EYS: variants seen among roughly 807,000 people sequenced by gnomAD.
The protein encoded by EYS is protein eyes shut homolog.
Under a neutral mutation model 282.1 loss-of-function variants are expected in EYS, and 250 were observed. The ratio of observed to expected loss-of-function variants is 0.89; its 90% CI spans 0.80 to 0.98. EYS has a LOEUF of 0.98. Among genes scored for constraint, EYS ranks in the 50% least tolerant of loss-of-function variants. EYS has a pLI of 0.00. For missense variants in EYS, 4,016 were observed against 3,709.0 expected (o/e 1.08, Z -2.15); for synonymous variants, 1,355 against 1,282.9 (o/e 1.06, Z -1.20).
At chr6:64,471,200 C>T (rs540001683) in intron 26 of EYS, among the ~76,000 whole-genome samples, 141 of 152,154 alleles carry the variant, frequency 9.3e-4, no homozygotes, top group Non-Finnish European at 1.3e-3. Flanking sequence ...AGTATGCCCA[C>T]GTTCCTTACT....
At chr6:64,943,453 ACT>A (rs1200235808) in intron 15 of EYS, among the ~76,000 whole-genome samples, 4 of 152,120 alleles carry the variant, frequency 2.6e-5, no homozygotes, top group South Asian at 4.2e-4. Flanking sequence ...GATGCTGAAG[ACT>A]CCACCAAAAG....
chr6:65,544,025 TGTGTG>T (rs1768285205), intron 2 of EYS, among the ~76,000 whole-genome samples: 1 of 142,556 alleles, frequency 7.0e-6, no homozygotes, highest in African/African-American at 3.0e-5. Flanking sequence ...TGTGTGTGTG[TGTGTG>T]AGAGAGAGAG....
At chr6:64,802,669 A>G (rs902236615) in intron 22 of EYS, among the ~76,000 whole-genome samples, 1 of 152,214 alleles carries the variant, frequency 6.6e-6, no homozygotes, top group African/African-American at 2.4e-5. Context: ...TATTTTTAAC[A>G]TCATCCCTTC....
intron 29 of EYS, among the ~76,000 whole-genome samples, chr6:64,314,194 CAAAAAAAA>C (rs138447983): frequency 3.6e-5 from 1 of 27,676 alleles, no homozygotes; most frequent in African/African-American, 1.5e-4. Flanking sequence ...AAATGGAAAG[CAAAAAAAA>C]AAAAAAAAAA....
chr6:64,915,894 CCTCCT>C (rs1768145208), intron 15 of EYS, among the ~76,000 whole-genome samples: 1 of 152,028 alleles, frequency 6.6e-6, no homozygotes, highest in Non-Finnish European at 1.5e-5. Flanking sequence ...ATCCAGATCT[CCTCCT>C]CTCAAGTTCC....
chr6:64,473,063 C>A (rs931402480), intron 26 of EYS, among the ~76,000 whole-genome samples: 1 of 152,036 alleles, frequency 6.6e-6, no homozygotes, highest in Non-Finnish European at 1.5e-5. Flanking sequence ...TACTATCCAG[C>A]ATTTATTAGT....
At chr6:64,840,927 A>C (rs1028435579) in intron 19 of EYS, among the ~76,000 whole-genome samples, 1 of 152,136 alleles carries the variant, frequency 6.6e-6, no homozygotes, top group Non-Finnish European at 1.5e-5. Context: ...ACAAAGAACT[A>C]CACAGCACAC....
At chr6:65,275,860 A>G (rs988495133) in intron 12 of EYS, among the ~76,000 whole-genome samples, 2 of 152,178 alleles carry the variant, frequency 1.3e-5, no homozygotes, top group African/African-American at 2.4e-5. Flanking sequence ...AATAAAATAG[A>G]AAATTACTCT....
intron 30 of EYS, among the ~76,000 whole-genome samples, chr6:64,266,665 T>C (rs1302638497): frequency 6.6e-6 from 1 of 152,146 alleles, no homozygotes; most frequent in Non-Finnish European, 1.5e-5. Context: ...GTTAGATTTA[T>C]GGCAACCTCA....
At chr6:65,035,900 AT>A (rs1256811528) in intron 13 of EYS, among the ~76,000 whole-genome samples, 5 of 147,398 alleles carry the variant, frequency 3.4e-5, no homozygotes, top group East Asian at 3.9e-4. Context: ...TATATTATAT[AT>A]TTTTATATTA....
At chr6:64,969,373 T>C (rs1250192188) in intron 14 of EYS, among the ~76,000 whole-genome samples, 1 of 152,102 alleles carries the variant, frequency 6.6e-6, no homozygotes, top group African/African-American at 2.4e-5. Context: ...TGAGGAACAG[T>C]GGGAGTGGAA....
chr6:64,740,341 G>A (rs2149960415), intron 22 of EYS, among the ~76,000 whole-genome samples: 1 of 152,172 alleles, frequency 6.6e-6, no homozygotes, highest in East Asian at 1.9e-4. Context: ...ATTAGGTCAT[G>A]GAATCTACAT....
intron 22 of EYS, among the ~76,000 whole-genome samples, chr6:64,688,409 T>A (rs1022524442): frequency 6.6e-6 from 1 of 152,204 alleles, no homozygotes; most frequent in Non-Finnish European, 1.5e-5. Flanking sequence ...GTCCCAGAGA[T>A]TCTGGAATGT....
intron 12 of EYS, among the ~76,000 whole-genome samples, chr6:65,252,968 A>G (rs12199597): frequency 0.042 from 6,393 of 152,030 alleles, 182 homozygotes; most frequent in Middle Eastern, 0.065. Flanking sequence ...AGACAATAAA[A>G]TTTCTAGCAT....
chr6:64,378,653 G>GC (rs1472103433), intron 29 of EYS, among the ~76,000 whole-genome samples: 1 of 152,158 alleles, frequency 6.6e-6, no homozygotes, highest in Non-Finnish European at 1.5e-5. Flanking sequence ...TAAGAAGGTA[G>GC]AGTCTCTATT....
At chr6:65,058,325 A>G (rs151056530) in intron 12 of EYS, among the ~76,000 whole-genome samples, 1 of 151,968 alleles carries the variant, frequency 6.6e-6, no homozygotes, top group Non-Finnish European at 1.5e-5. Context: ...TAATCTTTGT[A>G]TTTTCAGTAG....
intron 12 of EYS, among the ~76,000 whole-genome samples, chr6:65,233,344 C>T (rs898995648): frequency 2.6e-5 from 4 of 152,030 alleles, no homozygotes; most frequent in Non-Finnish European, 4.4e-5. Context: ...TTATTGCTGC[C>T]GTTTGCTTGG....
At chr6:64,073,014 CCACTAA>C (rs1330709345) in intron 32 of EYS, among the ~76,000 whole-genome samples, 1 of 151,798 alleles carries the variant, frequency 6.6e-6, no homozygotes, top group African/African-American at 2.4e-5. Context: ...GGAAGCTCAG[CCACTAA>C]CATCAATGAC....
At chr6:64,929,104 G>A (rs1311829185) in intron 15 of EYS, among the ~76,000 whole-genome samples, 1 of 152,056 alleles carries the variant, frequency 6.6e-6, no homozygotes, top group Non-Finnish European at 1.5e-5. Context: ...ATATTCAAAT[G>A]AAAGTGAATC....
Sources: allele counts gnomAD v4.1 joint callset (sites outside exome capture counted in the v4.1 genomes callset), GRCh38; gene constraint gnomAD v4.1.1; transcripts MANE v1.5; gene names NCBI Gene and HGNC (gene_info 2026-07-23, HGNC 2026-07-21).